MLXIPL: variants seen among roughly 807,000 people sequenced by gnomAD.
The protein encoded by MLXIPL is carbohydrate-responsive element-binding protein.
Under a neutral mutation model 81.5 loss-of-function variants are expected in MLXIPL, and 49 were observed. The ratio of observed to expected loss-of-function variants is 0.60; its 90% CI spans 0.48 to 0.76. The LOEUF is 0.76. Among genes scored for constraint, MLXIPL ranks in the 30% least tolerant of loss-of-function variants. The pLI is 0.00. For missense variants in MLXIPL, 1,053 were observed against 1,167.0 expected (o/e 0.90, Z 1.42); for synonymous variants, 466 against 485.5 (o/e 0.96, Z 0.53).
chr7:73,614,889 C>T (rs1554600470), intron 2 of MLXIPL, among the ~76,000 whole-genome samples: 1 of 148,354 alleles, frequency 6.7e-6, no homozygotes, highest in African/African-American at 2.5e-5. Context: ...CAGCTCACTG[C>T]AAGCTCCGCC....
intron 1 of MLXIPL, among the ~76,000 whole-genome samples, chr7:73,617,086 G>T (rs1796050243): frequency 6.6e-6 from 1 of 151,366 alleles, no homozygotes; most frequent in Non-Finnish European, 1.5e-5. Flanking sequence ...TGAGATCTCA[G>T]CTCACCACAA....
At chr7:73,602,302 C>A (rs1794942398) in intron 7 of MLXIPL, among the ~76,000 whole-genome samples, 1 of 150,854 alleles carries the variant, frequency 6.6e-6, no homozygotes, top group African/African-American at 2.4e-5. Flanking sequence ...CTGCAGCCTC[C>A]CAGGTTCAAA....
intron 7 of MLXIPL, among the ~76,000 whole-genome samples, chr7:73,605,159 G>C (rs1325263800): frequency 6.6e-6 from 1 of 152,196 alleles, no homozygotes; most frequent in Non-Finnish European, 1.5e-5. Flanking sequence ...AGCCTTCACT[G>C]CTTTCTTGGG....
At chr7:73,602,118 G>GCCTTCCTTCCTTCCTTCCTT (rs1157234046) in intron 7 of MLXIPL, among the ~76,000 whole-genome samples, 12 of 49,078 alleles carry the variant, frequency 2.4e-4, no homozygotes, top group South Asian at 1.2e-3. Flanking sequence ...CTGCCTGCCT[G>GCCTTCCTTCCTTCCTTCCTT]CCTGCCTGCC....
chr7:73,607,012 T>TA lies in MLXIPL; in HGVS notation c.579dup (p.Lys194Ter). The stretch of plus-strand genomic sequence containing the variant: ...AGGAGGTCATCTTCCCTGCTGGGCT[T>TA]ACGGAGCTGCAGGGACACACAGAGT... On this transcript the variant is annotated frameshift_variant, in exon 5 of 17. Transcript: ENST00000313375. LOFTEE classifies it high-confidence loss of function. The TA allele has an allele frequency of 6.2e-7, 1 of 1,613,704 alleles. No homozygotes were observed.
At position 73,596,403 on chromosome 7, in the gene MLXIPL, C is replaced by T. The variant is rs376519718; in HGVS notation, c.1899G>A (p.Pro633=). Residue 633 remains proline (P), a synonymous_variant, in exon 12 of 17, where the codon CCG becomes CCA. Transcript: ENST00000313375. This position sits in a 1 kb window ranked among gnomAD's most constrained non-coding sequence, Gnocchi z 4.7. ...GACGGCCCCGGCTGAGGATGGGTTG[C>T]GGGGGAGAGACACGGACGCTCAGAG... ...PGTLSVRVSP[P]QPILSRGRPD... is the part of the protein sequence containing the mutation. 1.0e-4 allele frequency: 160 copies of T among 1,599,936 alleles called. No individual in the cohort carries two copies. Among genetic ancestry groups the T allele is most frequent in the Admixed American group, 1.4e-4 (8 of 58,078 alleles).
the MLXIPL span, among the ~76,000 whole-genome samples, chr7:73,640,402 C>CAAAA: frequency 1.2e-5 from 1 of 82,252 alleles, no homozygotes; most frequent in African/African-American, 4.7e-5. Flanking sequence ...ACCCTGTCTC[C>CAAAA]AAAAAAAAAA....
the MLXIPL span, among the ~76,000 whole-genome samples, chr7:73,630,016 G>T: frequency 1.6e-5 from 2 of 124,910 alleles, no homozygotes; most frequent in African/African-American, 3.1e-5. Flanking sequence ...ATTTATTTAT[G>T]AGACGGAGTC....
intron 16 of MLXIPL, 97 bp from the exon 17 acceptor site, chr7:73,594,080 G>C (rs1794068132): frequency 7.2e-7 from 1 of 1,382,396 alleles, no homozygotes; most frequent in African/African-American, 1.4e-5. Context: ...GTATTAGTTG[G>C]CAAGACTGTC....
intron 7 of MLXIPL, among the ~76,000 whole-genome samples, chr7:73,600,904 C>A (rs72649016): frequency 6.6e-6 from 1 of 151,918 alleles, no homozygotes; most frequent in Non-Finnish European, 1.5e-5. Context: ...CGGGCCTGGG[C>A]GCCGCCCGCC....
chr7:73,639,875 G>A, the MLXIPL span, among the ~76,000 whole-genome samples: 1 of 150,726 alleles, frequency 6.6e-6, no homozygotes, highest in East Asian at 2.0e-4. Flanking sequence ...TGGCTAACAC[G>A]GTGAAACCCC....
At chr7:73,635,001 T>C in the MLXIPL span, among the ~76,000 whole-genome samples, 4 of 150,432 alleles carry the variant, frequency 2.7e-5, no homozygotes, top group Non-Finnish European at 5.9e-5. Flanking sequence ...TTTTTTTGTA[T>C]TTTTAGTAGA....
upstream of MLXIPL, among the ~76,000 whole-genome samples, chr7:73,629,363 G>A (rs782037573): frequency 2.8e-4 from 42 of 152,102 alleles, no homozygotes; most frequent in Non-Finnish European, 7.3e-5. Flanking sequence ...TCTAATATAA[G>A]TCTAATTTCA....
chr7:73,607,070 A>G, intron 4 of MLXIPL, 52 bp from the exon 5 acceptor site: 3 of 1,596,240 alleles, frequency 1.9e-6, no homozygotes, highest in African/African-American at 1.3e-5. Flanking sequence ...ATCCTCCATC[A>G]CTTTCCCCCC....
chr7:73,597,718 T>C lies in MLXIPL; in HGVS notation c.1072-5A>G. The C allele has an allele frequency of 2.2e-6, 3 of 1,334,728 alleles. No homozygotes were observed. The highest frequency in any genetic ancestry group is 2.6e-5 in the South Asian group (1 of 38,924). 82.7% of individuals were successfully genotyped at this position (1,334,728 alleles called of 1,614,324 possible). On this transcript the variant is annotated splice_polypyrimidine_tract_variant and splice_region_variant and intron_variant, in intron 8 of 16. Transcript: ENST00000313375. ...GCCAGGGCAGCTGTTCCGAGCCTGG[T>C]TGGGGGGACAGACAGACACTCAGAG...
rs1554598720 is a variant in MLXIPL at position 73,607,610 on chromosome 7, C to T, written c.463G>A (p.Asp155Asn). 6.2e-7 allele frequency: 1 copy of T among 1,613,202 alleles called. No homozygotes were observed. The highest frequency in any genetic ancestry group is 1.3e-5 in the African/African-American group (1 of 74,940). The change falls in exon 3 of 17, where the codon GAT (aspartate) becomes AAT (asparagine). Residue 155 changes from aspartate (D) to asparagine (N), a missense_variant. Coordinates refer to ENST00000313375, the MANE Select transcript of MLXIPL (RefSeq NM_032951.3). The part of the protein sequence containing the change: ...FVTPLQGPEA[D>N]AHRKPEAVVL... ...GCTACCTCCGGCTTCCGGTGCGCAT[C>T]AGCCTCAGGCCCCTGCAGGGGGGTC...
chr7:73,633,238 G>A, the MLXIPL span, among the ~76,000 whole-genome samples: 1 of 151,282 alleles, frequency 6.6e-6, no homozygotes, highest in Non-Finnish European at 1.5e-5. Context: ...CCGCCACCAC[G>A]CCCGGCTAAT....
In MLXIPL at chr7:73,597,222, C is replaced by A; in HGVS notation, c.1563G>T (p.Ala521=). 3 of 1,604,846 alleles carry A rather than the reference C, an allele frequency of 1.9e-6. No individual in the cohort carries two copies. The highest frequency in any genetic ancestry group is 2.5e-6 in the Non-Finnish European group (3 of 1,177,988). Residue 521 remains alanine, a synonymous_variant, in exon 9 of 17, where the codon GCG becomes GCT. Transcript: ENST00000313375. The part of the protein sequence containing the change: ...APATASPPTT[A]GSNNPCLTQL... The stretch of plus-strand genomic sequence containing the variant: ...GTGTGAGGCAGGGGTTGTTGCTCCC[C>A]GCAGTGGTGGGGGGACTGGCAGTGG...
intron 15 of MLXIPL, among the ~76,000 whole-genome samples, chr7:73,595,243 A>G (rs1794180309): frequency 6.6e-6 from 1 of 151,980 alleles, no homozygotes; most frequent in South Asian, 2.1e-4. Context: ...GTGCTGAACC[A>G]TCCCCCATCC....
Sources: gnomAD v4.1 joint callset for allele counts (sites outside exome capture counted in the v4.1 genomes callset) on GRCh38, gnomAD v4.1.1 for gene constraint, Gnocchi (gnomAD v3.1) non-coding constraint, MANE v1.5 for transcripts, NCBI Gene and HGNC (gene_info 2026-07-23, HGNC 2026-07-21) for gene names.